The following MVB12B variants were observed in gnomAD, a reference collection of about 807,000 sequenced individuals.
MVB12B encodes ESCRT-I complex subunit MVB12B.
In MVB12B, 16 loss-of-function variants were observed where a neutral mutation model predicts 41.6. That is an observed-to-expected ratio of 0.38 (90% confidence interval 0.26 to 0.58). The LOEUF (loss-of-function observed/expected upper bound fraction) is 0.58. Among genes scored for constraint, MVB12B ranks in the 20% least tolerant of loss-of-function variants. MVB12B has a pLI of 0.62. For synonymous variants in MVB12B, 133 were observed against 139.7 expected (o/e 0.95, Z 0.34); for missense variants, 274 against 380.2 (o/e 0.72, Z 2.32).
At chr9:126,493,669 G>C (rs1209254022) in intron 9 of MVB12B, among the ~76,000 whole-genome samples, 3 of 152,130 alleles carry the variant, frequency 2.0e-5, no homozygotes, top group African/African-American at 7.2e-5. Flanking sequence ...CAGAAACAAG[G>C]GATGCCTCTT....
intron 7 of MVB12B, among the ~76,000 whole-genome samples, chr9:126,479,654 C>A (rs1833484467): frequency 6.6e-6 from 1 of 152,180 alleles, no homozygotes; most frequent in South Asian, 2.1e-4. Context: ...CCAGCACCAC[C>A]TGAAATGGGA....
intron 8 of MVB12B, among the ~76,000 whole-genome samples, chr9:126,481,994 G>A: frequency 6.6e-6 from 1 of 152,238 alleles, no homozygotes; most frequent in East Asian, 1.9e-4. Flanking sequence ...GTCCAGCATG[G>A]ACCCAACCAT....
At chr9:126,451,333 G>A (rs1832884232) in intron 7 of MVB12B, among the ~76,000 whole-genome samples, 1 of 152,226 alleles carries the variant, frequency 6.6e-6, no homozygotes, top group Non-Finnish European at 1.5e-5. Context: ...CCACTGTAGA[G>A]AATGGCTGGG....
intron 7 of MVB12B, among the ~76,000 whole-genome samples, chr9:126,444,809 G>A (rs922397401): frequency 1.3e-5 from 2 of 151,790 alleles, no homozygotes; most frequent in Non-Finnish European, 2.9e-5. Context: ...ATTTATTATT[G>A]TCCCAGCATC....
chr9:126,453,998 C>T (rs899247479), intron 7 of MVB12B, among the ~76,000 whole-genome samples: 4 of 152,186 alleles, frequency 2.6e-5, no homozygotes, highest in Non-Finnish European at 5.9e-5. Context: ...GAGAAACAGA[C>T]GCGGTAAAGC....
intron 7 of MVB12B, among the ~76,000 whole-genome samples, chr9:126,443,296 A>G (rs1328001532): frequency 6.6e-6 from 1 of 152,084 alleles, no homozygotes; most frequent in Non-Finnish European, 1.5e-5. Context: ...CTGTCCCTCT[A>G]TCCTTCCACC....
At position 126,346,832 on chromosome 9, in the gene MVB12B, T is replaced by C. The variant is rs1428330443; in HGVS notation, c.204+6202T>C. Among the ~76,000 whole-genome samples, 3 of 152,208 alleles carry C rather than the reference T, an allele frequency of 2.0e-5. No individual in the cohort carries two copies. The East Asian group carries it at 5.8e-4, about 29-fold the overall frequency. On this transcript the variant is annotated intron_variant, in intron 2 of 9. Transcript: ENST00000361171. ...TTCTGTAAGAAGGAGTGGTGAGTAA[T>C]GTTCAAAGTTGCCGAAGTGAAAGGA...
chr9:126,366,092 C>T (rs1830173698), intron 2 of MVB12B, among the ~76,000 whole-genome samples: 1 of 152,068 alleles, frequency 6.6e-6, no homozygotes, highest in South Asian at 2.1e-4. Flanking sequence ...GTCTTCCTTT[C>T]CACAAAGACA....
chr9:126,350,789 T>C (rs1829723879), intron 2 of MVB12B, among the ~76,000 whole-genome samples: 1 of 152,178 alleles, frequency 6.6e-6, no homozygotes, highest in Non-Finnish European at 1.5e-5. Flanking sequence ...ATCCACAGGA[T>C]TTTTTGAGGG....
intron 2 of MVB12B, among the ~76,000 whole-genome samples, chr9:126,354,391 ATTTG>A (rs952799759): frequency 1.3e-5 from 2 of 151,982 alleles, no homozygotes; most frequent in Non-Finnish European, 2.9e-5. Context: ...GATTGTTATG[ATTTG>A]TTTGGTCTTA....
At chr9:126,345,367 G>A (rs1388040125) in intron 2 of MVB12B, among the ~76,000 whole-genome samples, 1 of 152,186 alleles carries the variant, frequency 6.6e-6, no homozygotes, top group East Asian at 1.9e-4. Flanking sequence ...CCAACACACA[G>A]GAGTCTTTCT....
chr9:126,373,426 A>G (rs1335685310), intron 2 of MVB12B, among the ~76,000 whole-genome samples: 1 of 152,232 alleles, frequency 6.6e-6, no homozygotes, highest in Non-Finnish European at 1.5e-5. Flanking sequence ...ACTGCTGATG[A>G]TCTAACATAC....
intron 2 of MVB12B, among the ~76,000 whole-genome samples, chr9:126,374,730 C>T (rs1398818189): frequency 1.3e-5 from 2 of 152,214 alleles, no homozygotes; most frequent in African/African-American, 4.8e-5. Context: ...TTGTCACCCA[C>T]TTGGGAACAC....
intron 7 of MVB12B, among the ~76,000 whole-genome samples, chr9:126,424,858 A>G (rs1233809519): frequency 6.6e-6 from 1 of 152,238 alleles, no homozygotes; most frequent in Non-Finnish European, 1.5e-5. Flanking sequence ...GAAAATACAG[A>G]TGTGCAAAAA....
chr9:126,400,954 CTCA>C (rs1831250878), intron 6 of MVB12B, among the ~76,000 whole-genome samples: 1 of 152,228 alleles, frequency 6.6e-6, no homozygotes, highest in Non-Finnish European at 1.5e-5. Flanking sequence ...TTCGGGACAT[CTCA>C]TGTTTATGTG....
chr9:126,341,798 A>G (rs1829452245), intron 2 of MVB12B, among the ~76,000 whole-genome samples: 1 of 152,188 alleles, frequency 6.6e-6, no homozygotes, highest in African/African-American at 2.4e-5. Context: ...AGACGTAGCC[A>G]GATGTCTCCA....
Position 126,506,641 on chromosome 9 carries a change from G to C in MVB12B, c.*3378G>C, listed in dbSNP as rs2119256011. On this transcript the variant is annotated 3_prime_UTR_variant, in exon 10 of 10. Transcript: ENST00000361171. ...GAACCTAAGGATGAAAGCAAAGGAGGGCCTTGAGGAAGCAGCCCCCAGGCC... is the reference window on the plus strand; with the variant it reads ...GAACCTAAGGATGAAAGCAAAGGAGCGCCTTGAGGAAGCAGCCCCCAGGCC... 6.6e-6 allele frequency: 1 copy of C among 152,436 alleles called. No individual in the cohort carries two copies. The highest frequency in any genetic ancestry group is 1.9e-4 in the East Asian group (1 of 5,178). 9.4% of individuals were successfully genotyped at this position (152,436 alleles called of 1,614,324 possible).
At chr9:126,384,463 C>A (rs753926366) in intron 3 of MVB12B, among the ~76,000 whole-genome samples, 3 of 152,068 alleles carry the variant, frequency 2.0e-5, no homozygotes, top group Non-Finnish European at 4.4e-5. Flanking sequence ...TATATCAATA[C>A]TTTTGATATT....
At chr9:126,412,693 C>T (rs1051709511) in intron 6 of MVB12B, among the ~76,000 whole-genome samples, 4 of 152,320 alleles carry the variant, frequency 2.6e-5, no homozygotes, top group East Asian at 1.9e-4. Flanking sequence ...AGGCTTCTGT[C>T]GTCAATACCG....
Sources: allele counts gnomAD v4.1 joint callset (sites outside exome capture counted in the v4.1 genomes callset), GRCh38; gene constraint gnomAD v4.1.1; transcripts MANE v1.5; gene names NCBI Gene and HGNC (gene_info 2026-07-23, HGNC 2026-07-21).